The following GNAO1 variants were observed in gnomAD, a reference collection of about 807,000 sequenced individuals.
GNAO1 encodes G protein subunit alpha o1, also known as guanine nucleotide-binding protein G(o) subunit alpha.
For synonymous variants in GNAO1, 164 were observed against 180.7 expected, an observed-to-expected ratio of 0.91 and a Z score of 0.74; for missense variants, 166 against 478.7, an observed-to-expected ratio of 0.35 and a Z score of 6.10.
intron 3 of GNAO1, among the ~76,000 whole-genome samples, chr16:56,283,691 A>G (rs550573720): frequency 6.6e-6 from 1 of 152,214 alleles, no homozygotes; most frequent in Admixed American, 6.5e-5. Context: ...TAGTTGTTAG[A>G]TCTGACGAGG....
At chr16:56,267,800 A>G (rs547279955) in intron 2 of GNAO1, among the ~76,000 whole-genome samples, 1 of 152,364 alleles carries the variant, frequency 6.6e-6, no homozygotes, top group South Asian at 2.1e-4. Context: ...AGCCCATGAT[A>G]TGGTGGCTGG....
Position 56,192,133 on chromosome 16 carries a change from C to G in GNAO1, c.-103C>G. The G allele has an allele frequency of 1.5e-6, 1 of 659,770 alleles. No homozygotes were observed. The highest frequency in any genetic ancestry group is 1.7e-5 in the South Asian group (1 of 57,560). The allele number at this position is 659,770 out of a possible 1,614,324, so 40.9% of individuals were successfully genotyped here. On this transcript the variant is annotated 5_prime_UTR_variant, in exon 1 of 9. Coordinates refer to ENST00000262493, the MANE Select transcript of GNAO1 (RefSeq NM_020988.3). The stretch of plus-strand genomic sequence containing the variant: ...CCCAGGAGAGGATATCGTGATTTTC[C>G]CCCCTTGAGCCCAGGCTCTGCTCTC...
chr16:56,349,330 G>A (rs543233578), intron 6 of GNAO1, among the ~76,000 whole-genome samples: 42 of 152,324 alleles, frequency 2.8e-4, no homozygotes, highest in Admixed American at 4.6e-4. Flanking sequence ...GCAGCTGCAG[G>A]CCAAGGTGGC....
intron 3 of GNAO1, among the ~76,000 whole-genome samples, chr16:56,290,158 C>T (rs1168436801): frequency 1.3e-5 from 2 of 152,148 alleles, no homozygotes; most frequent in Non-Finnish European, 2.9e-5. Flanking sequence ...CTTCCCTCCC[C>T]CAGGCCTGGG....
chr16:56,345,003 G>A, intron 6 of GNAO1: 2 of 985,288 alleles, frequency 2.0e-6, no homozygotes, highest in Non-Finnish European at 2.4e-6. Context: ...GACAGCAGGG[G>A]GATGGAGCTG....
At chr16:56,221,646 C>T (rs1596805195) in intron 2 of GNAO1, among the ~76,000 whole-genome samples, 1 of 86,548 alleles carries the variant, frequency 1.2e-5, no homozygotes. Context: ...AAGGAGACTG[C>T]ATCTCAAAAA....
intron 2 of GNAO1, among the ~76,000 whole-genome samples, chr16:56,239,097 C>T (rs1230803914): frequency 6.6e-6 from 1 of 152,206 alleles, no homozygotes; most frequent in East Asian, 1.9e-4. Flanking sequence ...ATAGAAAATA[C>T]ACTTCAGTGT....
chr16:56,199,411 G>T (rs1436939741), intron 2 of GNAO1, among the ~76,000 whole-genome samples: 5 of 152,204 alleles, frequency 3.3e-5, no homozygotes, highest in Admixed American at 6.5e-5. Context: ...GACATTAGAA[G>T]AGAAGTGGTT....
chr16:56,248,779 G>A (rs1414136400), intron 2 of GNAO1, among the ~76,000 whole-genome samples: 4 of 152,220 alleles, frequency 2.6e-5, no homozygotes, highest in Admixed American at 2.6e-4. Context: ...CTCTATGGCG[G>A]GAGGGATAGG....
At chr16:56,331,233 C>G (rs2037685363) in intron 4 of GNAO1, among the ~76,000 whole-genome samples, 1 of 152,172 alleles carries the variant, frequency 6.6e-6, no homozygotes, top group Admixed American at 6.5e-5. Flanking sequence ...TTGGTGCACC[C>G]CGGCCTCTGT....
At chr16:56,314,812 T>G (rs1326728954) in intron 3 of GNAO1, among the ~76,000 whole-genome samples, 1 of 152,152 alleles carries the variant, frequency 6.6e-6, no homozygotes, top group Non-Finnish European at 1.5e-5. Context: ...TGAAAGGATC[T>G]CAGAGACCCC....
At chr16:56,246,699 C>T (rs1431129127) in intron 2 of GNAO1, among the ~76,000 whole-genome samples, 1 of 152,116 alleles carries the variant, frequency 6.6e-6, no homozygotes, top group East Asian at 1.9e-4. Context: ...TGTCCATGTT[C>T]CCCGTCATGT....
chr16:56,319,248 G>A (rs1271235857), intron 3 of GNAO1, among the ~76,000 whole-genome samples: 2 of 152,198 alleles, frequency 1.3e-5, no homozygotes, highest in Non-Finnish European at 2.9e-5. Context: ...AGTACCTGGG[G>A]TGTGAGTGGA....
intron 2 of GNAO1, among the ~76,000 whole-genome samples, chr16:56,201,642 G>C (rs560952429): frequency 6.6e-6 from 1 of 152,210 alleles, no homozygotes; most frequent in African/African-American, 2.4e-5. Flanking sequence ...TGGTAGTGTG[G>C]GTGGGGAAAG....
rs1322081992 is a variant in GNAO1 at position 56,355,099 on chromosome 16, C to T, written c.*28+18C>T. Reference sequence around the variant, plus strand: ...CCTATTTGGTAATGATTCCAGCACCCACAGAACAGCTTGCGTGCGCGCGCA... The same window carrying T: ...CCTATTTGGTAATGATTCCAGCACCTACAGAACAGCTTGCGTGCGCGCGCA... On this transcript the variant is annotated intron_variant, in intron 8 of 8. Coordinates refer to ENST00000262493, the MANE Select transcript of GNAO1 (RefSeq NM_020988.3). The T allele has an allele frequency of 2.4e-6, 3 of 1,253,476 alleles. No homozygotes were observed. The South Asian group carries it at 3.8e-5, about 16-fold the overall frequency. 77.6% of individuals were successfully genotyped at this position (1,253,476 alleles called of 1,614,324 possible). A position where few individuals can be genotyped will look rare whatever the true frequency, so the allele number is the denominator to read the frequency against.
At chr16:56,347,000 A>G in intron 6 of GNAO1, 1 of 985,470 alleles carries the variant, frequency 1.0e-6, no homozygotes, top group African/African-American at 1.7e-5. Context: ...GGGTTGATTC[A>G]GGAAGTTCTT....
At chr16:56,329,369 G>A (rs1161280700) in intron 4 of GNAO1, 1 of 152,322 alleles carries the variant, frequency 6.6e-6, no homozygotes, top group Non-Finnish European at 1.5e-5. Flanking sequence ...GAAGGGGAGA[G>A]AGGGAGAAAG....
At chr16:56,275,744 A>G (rs2037055807) in intron 2 of GNAO1, among the ~76,000 whole-genome samples, 187 bp from the exon 3 acceptor site, 1 of 152,154 alleles carries the variant, frequency 6.6e-6, no homozygotes, top group African/African-American at 2.4e-5. Context: ...CTTTTTTCCA[A>G]GATTCTGTTT....
chr16:56,287,626 A>G (rs547280458), intron 3 of GNAO1, among the ~76,000 whole-genome samples: 51 of 152,254 alleles, frequency 3.3e-4, no homozygotes, highest in Admixed American at 2.9e-3. Context: ...GGGTGTGACA[A>G]TTGTTTCAGA....
Sources: allele counts gnomAD v4.1 joint callset (sites outside exome capture counted in the v4.1 genomes callset), GRCh38; gene constraint gnomAD v4.1.1; transcripts MANE v1.5; gene names NCBI Gene and HGNC (gene_info 2026-07-23, HGNC 2026-07-21).